Variants in RNF216 observed in about 807,000 individuals in gnomAD.
RNF216 encodes E3 ubiquitin-protein ligase RNF216.
RNF216 carries 72 observed loss-of-function variants against 110.8 expected under a neutral mutation model. The ratio of observed to expected loss-of-function variants is 0.65; its 90% CI spans 0.54 to 0.79. The LOEUF is 0.79. RNF216 is among the 30% of genes least tolerant of loss of function. RNF216 has a pLI of 0.00. For missense variants in RNF216, 1,342 were observed against 1,141.2 expected (o/e 1.18, Z -2.54); for synonymous variants, 495 against 407.5 (o/e 1.21, Z -2.59).
At chr7:5,728,344 C>T (rs1793883959) in intron 7 of RNF216, among the ~76,000 whole-genome samples, 1 of 151,932 alleles carries the variant, frequency 6.6e-6, no homozygotes, top group South Asian at 2.1e-4. Context: ...CTGTGGGAGG[C>T]TGAGGTGGGC....
At chr7:5,748,892 G>T (rs1369147770) in intron 3 of RNF216, among the ~76,000 whole-genome samples, 1 of 152,086 alleles carries the variant, frequency 6.6e-6, no homozygotes, top group Non-Finnish European at 1.5e-5. Flanking sequence ...GGCAAATAAA[G>T]AATTTTAACG....
chr7:5,723,673 C>T (rs183953842), intron 8 of RNF216, among the ~76,000 whole-genome samples: 108 of 151,860 alleles, frequency 7.1e-4, no homozygotes, highest in African/African-American at 2.5e-3. Context: ...TAAATAAATG[C>T]AATTAAGTCT....
Position 5,740,956 on chromosome 7 carries a change from GATAAA to G in RNF216, c.1044+12_1044+16del, listed in dbSNP as rs768993337. On this transcript the variant is annotated intron_variant, in intron 4 of 16. Transcript: ENST00000389902. ...GTATATGTAGTGTCTACATTTACTT[GATAAA>G]ATAAAACTTACCGTTTCTTTCACTA... 1.3e-6 allele frequency: 2 copies of G among 1,563,830 alleles called. No homozygotes were observed.
chr7:5,775,298 T>C (rs901686400), intron 1 of RNF216: 1 of 152,198 alleles, frequency 6.6e-6, no homozygotes, highest in African/African-American at 2.4e-5. Context: ...CACCCAATTT[T>C]CTGGTTTTCA....
At chr7:5,769,770 C>T (rs1796397179) in intron 1 of RNF216, among the ~76,000 whole-genome samples, 1 of 151,646 alleles carries the variant, frequency 6.6e-6, no homozygotes, top group Non-Finnish European at 1.5e-5. Flanking sequence ...GGCGTGGTGA[C>T]TCACGCCTAT....
intron 13 of RNF216, among the ~76,000 whole-genome samples, chr7:5,679,455 G>A (rs1471974233): frequency 3.3e-5 from 5 of 152,264 alleles, no homozygotes; most frequent in Admixed American, 6.5e-5. Context: ...CACACACACC[G>A]TAACAAGTGT....
intron 13 of RNF216, among the ~76,000 whole-genome samples, chr7:5,695,204 C>T (rs1436764999): frequency 1.3e-5 from 2 of 152,298 alleles, no homozygotes; most frequent in African/African-American, 2.4e-5. Flanking sequence ...CTCCTGGGTC[C>T]GGCTTATAAA....
intron 13 of RNF216, among the ~76,000 whole-genome samples, chr7:5,688,813 A>C (rs1791146253): frequency 1.3e-5 from 2 of 152,150 alleles, no homozygotes; most frequent in South Asian, 4.1e-4. Context: ...CTTATTAGTG[A>C]AAGAGTTGCT....
intron 15 of RNF216, among the ~76,000 whole-genome samples, chr7:5,629,427 T>C (rs1375949765): frequency 6.6e-6 from 1 of 151,728 alleles, no homozygotes; most frequent in Non-Finnish European, 1.5e-5. Flanking sequence ...GATTGTGCCA[T>C]TGTACTGGCA....
At chr7:5,643,309 A>G (rs974714709) in intron 14 of RNF216, among the ~76,000 whole-genome samples, 18 of 151,696 alleles carry the variant, frequency 1.2e-4, no homozygotes, top group Non-Finnish European at 1.5e-5. Context: ...CCAGTAATAT[A>G]AAAGTGAAAA....
intron 10 of RNF216, among the ~76,000 whole-genome samples, chr7:5,716,329 G>C (rs887183331): frequency 4.0e-5 from 6 of 151,866 alleles, no homozygotes; most frequent in Admixed American, 3.9e-4. Context: ...GGCCAACATG[G>C]TGAAACCCCG....
intron 15 of RNF216, among the ~76,000 whole-genome samples, chr7:5,625,147 T>C (rs556865455): frequency 1.2e-4 from 19 of 152,104 alleles, no homozygotes; most frequent in African/African-American, 4.6e-4. Flanking sequence ...AGCAGCAGAG[T>C]GGCAACACCG....
chr7:5,771,105 C>T (rs1390411151), intron 1 of RNF216, among the ~76,000 whole-genome samples: 1 of 152,048 alleles, frequency 6.6e-6, no homozygotes, highest in Non-Finnish European at 1.5e-5. Context: ...CACACCTGGC[C>T]CCAGATTCAG....
intron 13 of RNF216, among the ~76,000 whole-genome samples, chr7:5,653,269 G>A (rs1788508203): frequency 6.6e-6 from 1 of 151,942 alleles, no homozygotes. Context: ...GCTTTCATAT[G>A]TGCCAGAAAC....
chr7:5,662,951 G>A (rs770366507), intron 13 of RNF216, among the ~76,000 whole-genome samples: 6 of 152,166 alleles, frequency 3.9e-5, no homozygotes, highest in Admixed American at 6.5e-5. Context: ...AGGACAGAGC[G>A]CTCAGAGAAT....
intron 13 of RNF216, among the ~76,000 whole-genome samples, chr7:5,688,656 A>C (rs1791135855): frequency 6.6e-6 from 1 of 152,172 alleles, no homozygotes; most frequent in Admixed American, 6.5e-5. Flanking sequence ...TGCGCACCTT[A>C]CCTTGCTTTA....
chr7:5,630,321 T>C (rs757308376), intron 15 of RNF216, among the ~76,000 whole-genome samples: 21 of 152,028 alleles, frequency 1.4e-4, no homozygotes, highest in Non-Finnish European at 1.0e-4. Flanking sequence ...CTACCCCCAC[T>C]ACCTAACCTG....
Position 5,711,766 on chromosome 7 carries a change from G to C in RNF216, c.2056C>G (p.Arg686Gly), listed in dbSNP as rs771216799. The change falls in exon 13 of 17, where the codon CGA (arginine) becomes GGA (glycine). Residue 686 changes from arginine to glycine, a missense_variant. Arg to Gly is a moderately radical substitution (Grantham distance 125). Transcript: ENST00000389902. Reference protein sequence around the residue: ...KRFSCPNPHCRKETCRKCQGL... With the variant: ...KRFSCPNPHCGKETCRKCQGL... Reference sequence around the variant, plus strand: ...AAAAAAATGTGCCTCCCTACCTTTCGGCAGTGAGGATTAGGACAGCTGAAC... The same window carrying C: ...AAAAAAATGTGCCTCCCTACCTTTCCGCAGTGAGGATTAGGACAGCTGAAC... 9.3e-6 allele frequency: 15 copies of C among 1,612,766 alleles called. No individual in the cohort carries two copies. The highest frequency in any genetic ancestry group is 1.3e-5 in the Non-Finnish European group (15 of 1,179,496).
At chr7:5,668,484 AAGTG>A (rs1333479362) in intron 13 of RNF216, among the ~76,000 whole-genome samples, 1 of 152,022 alleles carries the variant, frequency 6.6e-6, no homozygotes, top group Non-Finnish European at 1.5e-5. Context: ...CGGCCTCCCA[AAGTG>A]CTGGGATTAC....
Sources: allele counts gnomAD v4.1 joint callset (sites outside exome capture counted in the v4.1 genomes callset), GRCh38; gene constraint gnomAD v4.1.1; transcripts MANE v1.5; gene names NCBI Gene and HGNC (gene_info 2026-07-23, HGNC 2026-07-21).